Variants in ELMO1 observed in about 807,000 individuals in gnomAD.
ELMO1 encodes the protein engulfment and cell motility 1, also known as engulfment and cell motility protein 1.
A neutral mutation model predicts 98.9 loss-of-function variants in ELMO1; 26 were observed. That is an observed-to-expected ratio of 0.26 (90% CI 0.19 to 0.36). ELMO1 has a LOEUF of 0.36. ELMO1 is among the 10% of genes least tolerant of loss of function. The pLI, the probability that ELMO1 is intolerant of heterozygous loss-of-function variation, is 1.00. For missense variants in ELMO1, 627 were observed against 935.2 expected, an observed-to-expected ratio of 0.67 and a Z score of 4.30; for synonymous variants, 346 against 346.0, an observed-to-expected ratio of 1.00 and a Z score of 0.00.
chr7:37,096,186 G>A (rs1261215789), intron 15 of ELMO1, among the ~76,000 whole-genome samples: 1 of 151,988 alleles, frequency 6.6e-6, no homozygotes, highest in Non-Finnish European at 1.5e-5. Flanking sequence ...CCAAACAACA[G>A]AAACACTGAG....
chr7:37,216,573 C>G, intron 11 of ELMO1, 72 bp downstream of exon 11: 1 of 1,564,266 alleles, frequency 6.4e-7, no homozygotes, highest in Non-Finnish European at 8.8e-7. Context: ...AGACTGAAGC[C>G]AAAAGAAGAG....
At chr7:37,031,882 T>A (rs900874414) in intron 15 of ELMO1, among the ~76,000 whole-genome samples, 3 of 152,222 alleles carry the variant, frequency 2.0e-5, no homozygotes, top group Non-Finnish European at 4.4e-5. Flanking sequence ...TCATTAAACA[T>A]CCTTCCCCAC....
chr7:37,194,001 G>A (rs1430756806), intron 13 of ELMO1, among the ~76,000 whole-genome samples: 2 of 152,102 alleles, frequency 1.3e-5, no homozygotes, highest in Non-Finnish European at 2.9e-5. Context: ...GAATGCTCTG[G>A]AAAGCCCTGG....
intron 13 of ELMO1, among the ~76,000 whole-genome samples, chr7:37,150,491 A>G (rs1456452972): frequency 6.6e-6 from 1 of 152,130 alleles, no homozygotes; most frequent in Non-Finnish European, 1.5e-5. Flanking sequence ...TGTAGGGAAC[A>G]CTATGCAACA....
At chr7:37,420,014 C>T (rs1804403369) in intron 1 of ELMO1, among the ~76,000 whole-genome samples, 1 of 152,150 alleles carries the variant, frequency 6.6e-6, no homozygotes, top group South Asian at 2.1e-4. Flanking sequence ...TATAATTCAA[C>T]CATTTACCGG....
At position 36,855,032 on chromosome 7, in the gene ELMO1, G is replaced by C. The variant is rs1235978344; in HGVS notation, c.*519C>G. On this transcript the variant is annotated 3_prime_UTR_variant, in exon 22 of 22. Coordinates refer to ENST00000310758, the MANE Select transcript of ELMO1 (RefSeq NM_014800.11). This position sits in a 1 kb window ranked among gnomAD's most constrained non-coding sequence, Gnocchi z 4.2. ...CAGGGAGAGAGGTGGGAGGAGATTT[G>C]AGCGCAGATCTTAATTCAAGTGTAA... 2 of 168,550 alleles carry C rather than the reference G, an allele frequency of 1.2e-5. No individual in the cohort carries two copies. Among genetic ancestry groups the C allele is most frequent in the Non-Finnish European group, 2.6e-5 (2 of 77,044 alleles). 10.4% of individuals were successfully genotyped at this position (168,550 alleles called of 1,614,324 possible). A position where few individuals can be genotyped will look rare whatever the true frequency, so the allele number is the denominator to read the frequency against.
chr7:36,868,594 C>T (rs566127105), intron 20 of ELMO1, among the ~76,000 whole-genome samples: 519 of 152,266 alleles, frequency 3.4e-3, no homozygotes, highest in Non-Finnish European at 4.0e-3. Flanking sequence ...GTGATCCGCC[C>T]GCCTTGGCCT....
intron 5 of ELMO1, among the ~76,000 whole-genome samples, chr7:37,267,486 G>A (rs1000149454): frequency 1.3e-5 from 2 of 152,230 alleles, no homozygotes; most frequent in African/African-American, 4.8e-5. Flanking sequence ...GTGCTTTTGT[G>A]AGTCTATTTA....
intron 4 of ELMO1, among the ~76,000 whole-genome samples, chr7:37,309,002 C>A (rs1326558521): frequency 6.6e-5 from 10 of 152,110 alleles, no homozygotes; most frequent in Non-Finnish European, 1.5e-4. Flanking sequence ...AGAGGCAGCA[C>A]AGGAGAAATG....
chr7:37,148,316 C>T (rs1788134262), intron 13 of ELMO1, among the ~76,000 whole-genome samples: 1 of 152,160 alleles, frequency 6.6e-6, no homozygotes, highest in South Asian at 2.1e-4. Flanking sequence ...ATAAATTACA[C>T]AGGAAAACAC....
Position 36,853,491 on chromosome 7 carries a change from G to C in ELMO1, c.*2060C>G, listed in dbSNP as rs529684425. 6.6e-6 allele frequency among the ~76,000 whole-genome samples: 1 copy of C among 152,284 alleles called. No individual in the cohort carries two copies. Among genetic ancestry groups the C allele is most frequent in the South Asian group, 2.1e-4 (1 of 4,802 alleles). ...CTAACACTTACTGTTTTATCATGATGATGGGTAGATTAATAACTGCTCCTG... is the reference window on the plus strand; with the variant it reads ...CTAACACTTACTGTTTTATCATGATCATGGGTAGATTAATAACTGCTCCTG... On this transcript the variant is annotated 3_prime_UTR_variant, in exon 22 of 22. Coordinates refer to ENST00000310758, the MANE Select transcript of ELMO1 (RefSeq NM_014800.11).
chr7:37,278,129 T>TTC (rs1206828203), intron 4 of ELMO1, among the ~76,000 whole-genome samples: 1 of 84,708 alleles, frequency 1.2e-5, no homozygotes, highest in African/African-American at 4.9e-5. Flanking sequence ...TTTTTTTTTT[T>TTC]TTTTTTTGGC....
intron 1 of ELMO1, among the ~76,000 whole-genome samples, chr7:37,351,778 G>A (rs1317151094): frequency 1.3e-5 from 2 of 152,174 alleles, no homozygotes; most frequent in Non-Finnish European, 2.9e-5. Flanking sequence ...TGACTGGAAG[G>A]CAAAACAGAC....
intron 6 of ELMO1, among the ~76,000 whole-genome samples, chr7:37,249,292 T>A (rs1314654268): frequency 6.6e-6 from 1 of 152,252 alleles, no homozygotes; most frequent in Non-Finnish European, 1.5e-5. Context: ...AATTTTTATA[T>A]ACATGTAATA....
At chr7:37,195,353 G>A (rs1255589739) in intron 13 of ELMO1, among the ~76,000 whole-genome samples, 5 of 152,320 alleles carry the variant, frequency 3.3e-5, no homozygotes, top group Middle Eastern at 3.4e-3. Context: ...TTGGTTGCAC[G>A]AACAAATGAA....
At chr7:37,398,803 T>G (rs12669779) in intron 1 of ELMO1, among the ~76,000 whole-genome samples, 67,976 of 152,084 alleles carry the variant, frequency 0.45, 15,481 homozygotes, top group Middle Eastern at 0.57. Flanking sequence ...GCTGGACTCA[T>G]GAGCCAGGTC....
intron 2 of ELMO1, among the ~76,000 whole-genome samples, chr7:37,324,910 T>TC (rs1349363669): frequency 2.6e-5 from 4 of 152,196 alleles, no homozygotes; most frequent in African/African-American, 9.6e-5. Flanking sequence ...AGGGACGGCT[T>TC]CTGCAGTCCC....
intron 1 of ELMO1, among the ~76,000 whole-genome samples, chr7:37,428,203 A>C (rs1804789270): frequency 6.6e-6 from 1 of 152,204 alleles, no homozygotes; most frequent in African/African-American, 2.4e-5. Flanking sequence ...TCAAAGGCAC[A>C]AAACAGTTCA....
intron 1 of ELMO1, among the ~76,000 whole-genome samples, chr7:37,388,653 C>T (rs1265373568): frequency 6.6e-6 from 1 of 151,390 alleles, no homozygotes; most frequent in African/African-American, 2.4e-5. Context: ...AAAAGACTGC[C>T]ACCAGCTGGG....
Sources: allele counts gnomAD v4.1 joint callset (sites outside exome capture counted in the v4.1 genomes callset), GRCh38; gene constraint gnomAD v4.1.1; non-coding constraint Gnocchi (gnomAD v3.1); transcripts MANE v1.5; gene names NCBI Gene and HGNC (gene_info 2026-07-23, HGNC 2026-07-21).